Variants in ANKRD16 observed in about 807,000 individuals in gnomAD.
The protein encoded by ANKRD16 is ankyrin repeat domain 16.
A neutral mutation model predicts 37.9 loss-of-function variants in ANKRD16; 35 were observed. That is an observed-to-expected ratio of 0.92 (90% CI 0.71 to 1.23). ANKRD16 has a LOEUF of 1.23. Among genes scored for constraint, ANKRD16 ranks in the 50% most tolerant of loss-of-function variants. The pLI, the probability that ANKRD16 is intolerant of heterozygous loss-of-function variation, is 0.00. For missense variants in ANKRD16, 480 were observed against 469.9 expected, an observed-to-expected ratio of 1.02 and a Z score of -0.20; for synonymous variants, 206 against 197.2, an observed-to-expected ratio of 1.04 and a Z score of -0.37.
At position 5,862,205 on chromosome 10, in the gene ANKRD16, C is replaced by T. The variant is rs1401321679; in HGVS notation, c.*520G>A. The T allele has an allele frequency of 3.8e-6, 1 of 264,606 alleles. No homozygotes were observed. Among genetic ancestry groups the T allele is most frequent in the African/African-American group, 2.3e-5 (1 of 44,316 alleles). The allele number at this position is 264,606 out of a possible 1,614,324, so 16.4% of individuals were successfully genotyped here. A position where few individuals can be genotyped will look rare whatever the true frequency, so the allele number is the denominator to read the frequency against. ...GGCATGAGCCACCGCAACCGGCCCCCAGGAATTCTTTAATGGTTCCAGAGA... is the reference window on the plus strand; with the variant it reads ...GGCATGAGCCACCGCAACCGGCCCCTAGGAATTCTTTAATGGTTCCAGAGA... On this transcript the variant is annotated 3_prime_UTR_variant, in exon 8 of 8. Coordinates refer to ENST00000380094, the MANE Select transcript of ANKRD16 (RefSeq NM_019046.3). This position sits in a 1 kb window ranked among gnomAD's most constrained non-coding sequence, Gnocchi z 6.5.
At chr10:5,885,071 T>A (rs1244003385) in intron 3 of ANKRD16, among the ~76,000 whole-genome samples, 2 of 152,262 alleles carry the variant, frequency 1.3e-5, no homozygotes, top group Admixed American at 6.5e-5. Flanking sequence ...CTTTCGGGAC[T>A]CCTTCATGGT....
rs2761269 is a variant in ANKRD16, at chr10:5,878,808, G to A, written c.929-521C>T. Among the ~76,000 whole-genome samples, 19 of 149,192 alleles carry A rather than the reference G, an allele frequency of 1.3e-4. No individual in the cohort carries two copies. Among genetic ancestry groups the A allele is most frequent in the South Asian group, 2.1e-4 (1 of 4,766 alleles). On this transcript the variant is annotated intron_variant, in intron 6 of 7. Coordinates refer to ENST00000380094, the MANE Select transcript of ANKRD16 (RefSeq NM_019046.3). The surrounding 1 kb of genome is among the most constrained non-coding windows in gnomAD (Gnocchi z 5.1). ...CTCAAAAAAAAAAAAAAAAGAAAAA[G>A]AAACTTATCTAAAGCAAGAAGCAAC...
In ANKRD16 at chr10:5,866,643, G is replaced by A. The variant is rs549001015; in HGVS notation, c.*34-3952C>T. Among the ~76,000 whole-genome samples, 11 of 152,354 alleles carry A rather than the reference G, an allele frequency of 7.2e-5. No individual in the cohort carries two copies. The highest frequency in any genetic ancestry group is 2.0e-4 in the Admixed American group (3 of 15,304). On this transcript the variant is annotated intron_variant, in intron 7 of 7. Transcript: ENST00000380094. This position sits in a 1 kb window ranked among gnomAD's most constrained non-coding sequence, Gnocchi z 4.3. ...CAAGGAAATCATGGAGTTATTGCAC[G>A]CAGTGCAAAAACCCAAGGAGGTGGC...
At chr10:5,875,604 A>T (rs1271830706) in intron 7 of ANKRD16, among the ~76,000 whole-genome samples, 3 of 152,200 alleles carry the variant, frequency 2.0e-5, no homozygotes, top group Non-Finnish European at 2.9e-5. Context: ...ATTAGGGAGT[A>T]ATAGAAAAAT....
In ANKRD16 at chr10:5,871,658, C is replaced by T. The variant is rs1394502454; in HGVS notation, c.*33+6439G>A. Among the ~76,000 whole-genome samples the T allele has an allele frequency of 6.6e-6, 1 of 151,424 alleles. No individual in the cohort carries two copies. Among genetic ancestry groups the T allele is most frequent in the Non-Finnish European group, 1.5e-5 (1 of 68,020 alleles). ...TTCCTTCATGCCTCTGAGAAGGAAA[C>T]TCTCCTTCTGCATCTGGAGCTGAGC... On this transcript the variant is annotated intron_variant, in intron 7 of 7. Coordinates refer to ENST00000380094, the MANE Select transcript of ANKRD16 (RefSeq NM_019046.3). The surrounding 1 kb of genome is among the most constrained non-coding windows in gnomAD (Gnocchi z 4.5).
chr10:5,881,002 T>C (rs1263024861), intron 5 of ANKRD16: 1 of 155,786 alleles, frequency 6.4e-6, no homozygotes, highest in Non-Finnish European at 1.4e-5. Context: ...TCTCACTATG[T>C]TGTCCAGACT....
In ANKRD16 at chr10:5,865,417, C is replaced by T. The variant is rs766727229; in HGVS notation, c.*34-2726G>A. Among the ~76,000 whole-genome samples, 1 of 152,282 alleles carries T rather than the reference C, an allele frequency of 6.6e-6. No individual in the cohort carries two copies. Among genetic ancestry groups the T allele is most frequent in the Non-Finnish European group, 1.5e-5 (1 of 68,018 alleles). The stretch of plus-strand genomic sequence containing the variant: ...GCTCATGTCATCACCCTCACTGAGC[C>T]CCAGGTATGTTTAACTATTGAGGGC... On this transcript the variant is annotated intron_variant, in intron 7 of 7. Transcript: ENST00000380094. The surrounding 1 kb of genome is among the most constrained non-coding windows in gnomAD (Gnocchi z 4.7).
In ANKRD16 at chr10:5,865,127, C is replaced by T. The variant is rs7099936; in HGVS notation, c.*34-2436G>A. On this transcript the variant is annotated intron_variant, in intron 7 of 7. Coordinates refer to ENST00000380094, the MANE Select transcript of ANKRD16 (RefSeq NM_019046.3). This position sits in a 1 kb window ranked among gnomAD's most constrained non-coding sequence, Gnocchi z 4.7. ...GAAAGGCTGCAGCCTTAGTCATGGC[C>T]CTCAGACAAACCAACCTTGGTGGTT... 0.026 allele frequency among the ~76,000 whole-genome samples: 3,984 copies of T among 152,216 alleles called. 162 individuals are homozygous for T. Among genetic ancestry groups the T allele is most frequent in the African/African-American group, 0.09 (3,737 of 41,510 alleles).
intron 7 of ANKRD16, among the ~76,000 whole-genome samples, chr10:5,872,261 T>C (rs963148099): frequency 6.6e-6 from 1 of 151,976 alleles, no homozygotes; most frequent in African/African-American, 2.4e-5. Flanking sequence ...GGCGCATCAC[T>C]CGAGGTCAGG....
intron 1 of ANKRD16, among the ~76,000 whole-genome samples, 193 bp from the exon 2 acceptor site, chr10:5,888,260 G>A (rs547803168): frequency 7.2e-5 from 11 of 152,292 alleles, no homozygotes; most frequent in Non-Finnish European, 1.3e-4. Context: ...AATAATAAGG[G>A]GAAAATGATT....
chr10:5,875,304 A>C (rs1181885913), intron 7 of ANKRD16, among the ~76,000 whole-genome samples: 1 of 152,216 alleles, frequency 6.6e-6, no homozygotes, highest in Admixed American at 6.5e-5. Flanking sequence ...CAATGCACAT[A>C]AAGGGCTTTT....
intron 5 of ANKRD16, among the ~76,000 whole-genome samples, chr10:5,882,502 A>C (rs1373071236): frequency 6.6e-6 from 1 of 152,146 alleles, no homozygotes; most frequent in Non-Finnish European, 1.5e-5. Context: ...AAAAAACAAA[A>C]AATAAGTAAA....
At position 5,868,340 on chromosome 10, in the gene ANKRD16, G is replaced by C. The variant is rs1164454660; in HGVS notation, c.*34-5649C>G. 6.6e-6 allele frequency among the ~76,000 whole-genome samples: 1 copy of C among 152,192 alleles called. No individual in the cohort carries two copies. Among genetic ancestry groups the C allele is most frequent in the Non-Finnish European group, 1.5e-5 (1 of 68,034 alleles). ...GACCCTTCTTTGCCCCTATCCAGCA[G>C]GAAGTAGCTAGAATGGTCATCACCC... On this transcript the variant is annotated intron_variant, in intron 7 of 7. Coordinates refer to ENST00000380094, the MANE Select transcript of ANKRD16 (RefSeq NM_019046.3). This position sits in a 1 kb window ranked among gnomAD's most constrained non-coding sequence, Gnocchi z 4.9.
At chr10:5,882,631 A>C (rs1842335468) in intron 5 of ANKRD16, 1 of 161,994 alleles carries the variant, frequency 6.2e-6, no homozygotes, top group South Asian at 1.8e-4. Flanking sequence ...GAGCCTAGTA[A>C]ATGCAATTCT....
Position 5,887,891 on chromosome 10 carries a change from C to T in ANKRD16, c.491G>A (p.Trp164Ter), listed in dbSNP as rs1316787373. Residue 164 changes from tryptophan (W) to a stop codon, truncating the protein, a stop_gained, in exon 2 of 8, where the codon TGG becomes TAG. Transcript: ENST00000380094. LOFTEE classifies it high-confidence loss of function. ...QYLLTVCPGA[W>*]KTESKIRRTP... ...CCTTCTAATTTTGCTCTCTGTCTTC[C>T]AGGCACCTGGGCAAACAGTGAGCAG... is the stretch of plus-strand genomic sequence containing the variant. 4.3e-6 allele frequency: 7 copies of T among 1,614,202 alleles called. No homozygotes were observed. Among genetic ancestry groups the T allele is most frequent in the Non-Finnish European group, 5.1e-6 (6 of 1,180,024 alleles).
At chr10:5,883,819 G>C (rs1367844656) in intron 4 of ANKRD16, 150 bp downstream of exon 4, 2 of 612,378 alleles carry the variant, frequency 3.3e-6, no homozygotes, top group Non-Finnish European at 5.7e-6. Context: ...GGGAACACTG[G>C]TGCTTAAAGA....
At position 5,862,445 on chromosome 10, in the gene ANKRD16, C is replaced by T; in HGVS notation, c.*280G>A. On this transcript the variant is annotated 3_prime_UTR_variant, in exon 8 of 8. Coordinates refer to ENST00000380094, the MANE Select transcript of ANKRD16 (RefSeq NM_019046.3). This position sits in a 1 kb window ranked among gnomAD's most constrained non-coding sequence, Gnocchi z 6.5. ...TTTCACTATCATCCTCAGACTCTTC[C>T]AGTCAATGGTTGGTGATGTCATCAG... The T allele has an allele frequency of 2.3e-6, 1 of 440,858 alleles. No homozygotes were observed. Among genetic ancestry groups the T allele is most frequent in the Non-Finnish European group, 4.3e-6 (1 of 235,292 alleles). The allele number at this position is 440,858 out of a possible 1,614,324, so 27.3% of individuals were successfully genotyped here. A position where few individuals can be genotyped will look rare whatever the true frequency, so the allele number is the denominator to read the frequency against.
At chr10:5,883,839 G>A (rs981785590) in intron 4 of ANKRD16, 130 bp downstream of exon 4, 1 of 715,176 alleles carries the variant, frequency 1.4e-6, no homozygotes, top group Non-Finnish European at 2.3e-6. Flanking sequence ...AGGTCACCAA[G>A]TTCCAGAGAG....
chr10:5,879,888 G>T (rs1842259079), intron 6 of ANKRD16, among the ~76,000 whole-genome samples: 1 of 152,208 alleles, frequency 6.6e-6, no homozygotes, highest in East Asian at 1.9e-4. Context: ...GCTGGTCACA[G>T]TGGCTCATGC....
Sources: gnomAD v4.1 joint callset for allele counts (sites outside exome capture counted in the v4.1 genomes callset) on GRCh38, gnomAD v4.1.1 for gene constraint, Gnocchi (gnomAD v3.1) non-coding constraint, MANE v1.5 for transcripts, NCBI Gene and HGNC (gene_info 2026-07-23, HGNC 2026-07-21) for gene names.